Variants in PHACTR4 observed in about 807,000 individuals in gnomAD.
PHACTR4 encodes phosphatase and actin regulator 4.
PHACTR4 carries 51 observed loss-of-function variants against 72.7 expected under a neutral mutation model. That is an observed-to-expected ratio of 0.70 (90% CI 0.56 to 0.89). The LOEUF (loss-of-function observed/expected upper bound fraction) is 0.89, where lower values mean the gene tolerates loss of function less well. PHACTR4 is among the 40% of genes least tolerant of loss of function. PHACTR4 has a pLI of 0.00. For missense variants in PHACTR4, 731 were observed against 861.8 expected, an observed-to-expected ratio of 0.85 and a Z score of 1.90; for synonymous variants, 255 against 302.5, an observed-to-expected ratio of 0.84 and a Z score of 1.63.
intron 2 of PHACTR4, among the ~76,000 whole-genome samples, chr1:28,432,278 T>C (rs1656319176): frequency 6.6e-6 from 1 of 151,436 alleles, no homozygotes; most frequent in African/African-American, 2.4e-5. Context: ...AAACAGTTCT[T>C]TAATAAAACA....
intron 1 of PHACTR4, among the ~76,000 whole-genome samples, chr1:28,388,580 G>A (rs1412472365): frequency 2.0e-5 from 3 of 152,198 alleles, no homozygotes; most frequent in African/African-American, 7.2e-5. Flanking sequence ...GGCTGGGCAC[G>A]GTGGCTCACG....
intron 1 of PHACTR4, among the ~76,000 whole-genome samples, chr1:28,382,583 G>A (rs773834052): frequency 3.3e-5 from 5 of 151,984 alleles, no homozygotes; most frequent in South Asian, 2.1e-4. Flanking sequence ...GACTACAGGC[G>A]TGAGCCACCG....
intron 1 of PHACTR4, among the ~76,000 whole-genome samples, chr1:28,370,645 C>T (rs1569700272): frequency 6.8e-6 from 1 of 147,994 alleles, no homozygotes; most frequent in East Asian, 1.9e-4. Context: ...TTCATTCGGA[C>T]ACTCAGCTCC....
intron 2 of PHACTR4, chr1:28,457,819 T>C (rs1057141738): frequency 1.0e-6 from 1 of 985,554 alleles, no homozygotes; most frequent in Non-Finnish European, 1.2e-6. Context: ...ACTCTTTTTT[T>C]CTTCCTCTCT....
At chr1:28,379,006 A>G (rs1651922388) in intron 1 of PHACTR4, among the ~76,000 whole-genome samples, 1 of 152,012 alleles carries the variant, frequency 6.6e-6, no homozygotes, top group Non-Finnish European at 1.5e-5. Flanking sequence ...AAGCTGGAGT[A>G]CAGTGGCACA....
At chr1:28,461,557 A>C (rs1570029681) in intron 4 of PHACTR4, among the ~76,000 whole-genome samples, 1 of 152,370 alleles carries the variant, frequency 6.6e-6, no homozygotes, top group African/African-American at 2.4e-5. Flanking sequence ...TATTCAAAAA[A>C]TTAAATTGTA....
At chr1:28,425,657 G>T (rs998749987) in intron 2 of PHACTR4, among the ~76,000 whole-genome samples, 2 of 152,302 alleles carry the variant, frequency 1.3e-5, no homozygotes, top group Admixed American at 6.5e-5. Context: ...AAATGTTATA[G>T]CTAGCTGTCA....
chr1:28,487,432 T>C (rs901648090), intron 9 of PHACTR4, among the ~76,000 whole-genome samples: 3 of 149,806 alleles, frequency 2.0e-5, no homozygotes, highest in African/African-American at 7.3e-5. Context: ...GGAGGATCAT[T>C]TGAGCCTAGG....
rs1268056888 is a variant in PHACTR4, at chr1:28,499,360, C to T, written c.*2811C>T. 2 of 152,208 alleles carry T rather than the reference C, an allele frequency of 1.3e-5. No individual in the cohort carries two copies. The highest frequency in any genetic ancestry group is 2.9e-5 in the Non-Finnish European group (2 of 68,148). 9.4% of individuals were successfully genotyped at this position (152,208 alleles called of 1,614,324 possible). ...ATGTTGGTCAGGCTGGTCTCAAACT[C>T]CCGACCTCAGGTGATCCACCCACCT... On this transcript the variant is annotated 3_prime_UTR_variant, in exon 14 of 14. Transcript: ENST00000373839.
chr1:28,437,080 A>G lies in PHACTR4; in HGVS notation c.17-22005A>G, dbSNP rs142783254. Among the ~76,000 whole-genome samples the G allele has an allele frequency of 4.4e-3, 669 of 152,316 alleles. 2 individuals are homozygous for G. The highest frequency in any genetic ancestry group is 9.1e-3 in the Admixed American group (139 of 15,298). On this transcript the variant is annotated intron_variant, in intron 2 of 13. Transcript: ENST00000373839. ...TTCTAATGTTATTAATTCCCAGTACATAGATCTCACCTTGCTTTAGGCATG... is the reference window on the plus strand; with the variant it reads ...TTCTAATGTTATTAATTCCCAGTACGTAGATCTCACCTTGCTTTAGGCATG...
intron 4 of PHACTR4, among the ~76,000 whole-genome samples, chr1:28,465,376 C>T (rs188446270): frequency 2.6e-5 from 4 of 152,198 alleles, no homozygotes; most frequent in African/African-American, 7.2e-5. Flanking sequence ...AGGAGAATGG[C>T]GTGAACCCGG....
At chr1:28,406,280 A>G (rs1047618412) in intron 1 of PHACTR4, among the ~76,000 whole-genome samples, 1 of 152,206 alleles carries the variant, frequency 6.6e-6, no homozygotes, top group Non-Finnish European at 1.5e-5. Context: ...GGCTACTATA[A>G]TAAAACTCAA....
At chr1:28,459,559 G>A (rs1658654482) in intron 3 of PHACTR4, among the ~76,000 whole-genome samples, 1 of 151,786 alleles carries the variant, frequency 6.6e-6, no homozygotes, top group East Asian at 1.9e-4. Context: ...GAGCTACTGT[G>A]CCCAGTTAAT....
At chr1:28,450,621 GTTT>G (rs1657873884) in intron 2 of PHACTR4, among the ~76,000 whole-genome samples, 1 of 149,918 alleles carries the variant, frequency 6.7e-6, no homozygotes, top group Non-Finnish European at 1.5e-5. Flanking sequence ...TTTTTTGGTT[GTTT>G]GTTTGTTTGT....
Position 28,459,097 on chromosome 1 carries a change from A to T in PHACTR4, c.29A>T (p.Gln10Leu), listed in dbSNP as rs1221228810. The T allele has an allele frequency of 6.2e-7, 1 of 1,605,436 alleles. No individual in the cohort carries two copies. Among genetic ancestry groups the T allele is most frequent in the Non-Finnish European group, 8.5e-7 (1 of 1,176,330 alleles). ...TTTCATGTAACAGAGGAAGCAGACC[A>T]GCCCACTACAGAGCCAGGCATGGTC... MEDPFEEAD[Q>L]PTTEPGMVLD... Residue 10 changes from glutamine to leucine, a missense_variant, in exon 3 of 14, where the codon CAG becomes CTG. Transcript: ENST00000373839.
chr1:28,460,331 C>A, intron 4 of PHACTR4, 39 bp downstream of exon 4: 1 of 1,412,016 alleles, frequency 7.1e-7, no homozygotes, highest in Non-Finnish European at 1.0e-6. Context: ...TGTCTCTGTG[C>A]ACTTGGTCTT....
Position 28,407,446 on chromosome 1 carries a change from G to A in PHACTR4, c.-2G>A, listed in dbSNP as rs1204521535. 23 of 1,607,140 alleles carry A rather than the reference G, an allele frequency of 1.4e-5. No homozygotes were observed. Among genetic ancestry groups the A allele is most frequent in the Non-Finnish European group, 2.0e-5 (23 of 1,174,932 alleles). On this transcript the variant is annotated 5_prime_UTR_variant, in exon 2 of 14. Coordinates refer to ENST00000373839, the MANE Select transcript of PHACTR4 (RefSeq NM_001048183.3). ...CACCTCCCTAAACTGGTTAATAGTG[G>A]CATGGAAGATCCATTTGGTGAGTAT...
chr1:28,466,037 T>A (rs767700497), intron 5 of PHACTR4, among the ~76,000 whole-genome samples, 188 bp downstream of exon 5: 1 of 152,200 alleles, frequency 6.6e-6, no homozygotes. Flanking sequence ...AATACCTAAA[T>A]TTGTGATCCT....
chr1:28,415,479 A>G (rs12140359), intron 2 of PHACTR4, among the ~76,000 whole-genome samples: 58,610 of 151,922 alleles, frequency 0.39, 12,991 homozygotes, highest in African/African-American at 0.6. Context: ...CCAAGAGCAT[A>G]CCAGAACAAA....
Sources: gnomAD v4.1 joint callset for allele counts (sites outside exome capture counted in the v4.1 genomes callset) on GRCh38, gnomAD v4.1.1 for gene constraint, MANE v1.5 for transcripts, NCBI Gene and HGNC (gene_info 2026-07-23, HGNC 2026-07-21) for gene names.